EPHX4: variants seen among roughly 807,000 people sequenced by gnomAD.
The protein encoded by EPHX4 is epoxide hydrolase 4, also known as abhydrolase domain containing 7.
EPHX4 carries 31 observed loss-of-function variants against 44.9 expected under a neutral mutation model. That is an observed-to-expected ratio of 0.69 (90% CI 0.52 to 0.93). The LOEUF is 0.93. Among genes scored for constraint, EPHX4 ranks in the 40% least tolerant of loss-of-function variants. EPHX4 has a pLI of 0.00. For missense variants in EPHX4, 373 were observed against 438.1 expected, an observed-to-expected ratio of 0.85 and a Z score of 1.33; for synonymous variants, 151 against 159.7, an observed-to-expected ratio of 0.95 and a Z score of 0.41.
intron 6 of EPHX4, among the ~76,000 whole-genome samples, chr1:92,054,818 C>T (rs1647328586): frequency 6.6e-6 from 1 of 151,840 alleles, no homozygotes; most frequent in African/African-American, 2.4e-5. Flanking sequence ...TCATTGAAAT[C>T]TAGAAGTCTA....
In EPHX4 at chr1:92,030,122, CTCCGG is replaced by C. The variant is rs763948922; in HGVS notation, c.47_51del (p.Arg16ProfsTer100). Reference sequence around the variant, plus strand: ...TTGCCTGCCCCGCCTGATGCTCACGCTCCGGTCCCTGCTCTTCTGGTCCCTGGTCT... The same window carrying C: ...TTGCCTGCCCCGCCTGATGCTCACGCTCCCTGCTCTTCTGGTCCCTGGTCT... On this transcript the variant is annotated frameshift_variant, in exon 1 of 7. Transcript: ENST00000370383. LOFTEE classifies it high-confidence loss of function. The C allele has an allele frequency of 6.2e-7, 1 of 1,611,000 alleles. No individual in the cohort carries two copies. The highest frequency in any genetic ancestry group is 8.5e-7 in the Non-Finnish European group (1 of 1,178,850).
At chr1:92,057,322 TAAAC>T (rs1298753716) in intron 6 of EPHX4, among the ~76,000 whole-genome samples, 2 of 151,958 alleles carry the variant, frequency 1.3e-5, no homozygotes, top group African/African-American at 4.8e-5. Flanking sequence ...AAGGCACAAA[TAAAC>T]AAAGTTAGGA....
chr1:92,047,697 G>A (rs1300861503), intron 4 of EPHX4, among the ~76,000 whole-genome samples: 1 of 152,172 alleles, frequency 6.6e-6, no homozygotes, highest in Non-Finnish European at 1.5e-5. Context: ...TACTAGTATT[G>A]TTCAGTGCCA....
chr1:92,056,086 T>C (rs1647359860), intron 6 of EPHX4, among the ~76,000 whole-genome samples: 1 of 152,086 alleles, frequency 6.6e-6, no homozygotes, highest in South Asian at 2.1e-4. Flanking sequence ...AGTTTTAAAC[T>C]AGTTGGTTGT....
chr1:92,037,588 C>T (rs1219734601), intron 2 of EPHX4, among the ~76,000 whole-genome samples: 1 of 152,122 alleles, frequency 6.6e-6, no homozygotes, highest in African/African-American at 2.4e-5. Context: ...GGAATGCATG[C>T]GTCATCACTC....
At position 92,063,423 on chromosome 1, in the gene EPHX4, G is replaced by A; in HGVS notation, c.*137G>A. 1.6e-6 allele frequency: 1 copy of A among 610,802 alleles called. No homozygotes were observed. 37.8% of individuals were successfully genotyped at this position (610,802 alleles called of 1,614,324 possible). A position where few individuals can be genotyped will look rare whatever the true frequency, so the allele number is the denominator to read the frequency against. ...ATCATAAATAAATATCCTGACAAAT[G>A]GTATTGAAAAAAATCTGAGATCATG... is the stretch of plus-strand genomic sequence containing the variant. On this transcript the variant is annotated 3_prime_UTR_variant, in exon 7 of 7. Coordinates refer to ENST00000370383, the MANE Select transcript of EPHX4 (RefSeq NM_173567.5).
chr1:92,056,637 A>G (rs897174866), intron 6 of EPHX4, among the ~76,000 whole-genome samples: 2 of 150,166 alleles, frequency 1.3e-5, no homozygotes, highest in African/African-American at 2.4e-5. Flanking sequence ...AAAAATACAC[A>G]TTCTTTTCTT....
At chr1:92,058,162 C>A (rs1647413287) in intron 6 of EPHX4, among the ~76,000 whole-genome samples, 1 of 152,092 alleles carries the variant, frequency 6.6e-6, no homozygotes, top group South Asian at 2.1e-4. Flanking sequence ...ATTAATTAGG[C>A]TGGGCACAGT....
At chr1:92,049,504 G>A (rs1330039195) in intron 4 of EPHX4, among the ~76,000 whole-genome samples, 1 of 152,076 alleles carries the variant, frequency 6.6e-6, no homozygotes, top group African/African-American at 2.4e-5. Context: ...TTTCTGTCTT[G>A]TTCACTGCTA....
intron 4 of EPHX4, among the ~76,000 whole-genome samples, chr1:92,049,166 A>G (rs1647199807): frequency 6.6e-6 from 1 of 151,926 alleles, no homozygotes; most frequent in African/African-American, 2.4e-5. Flanking sequence ...ATCATATACC[A>G]TCTTCCTCTC....
At chr1:92,056,851 C>T (rs1647381389) in intron 6 of EPHX4, among the ~76,000 whole-genome samples, 2 of 151,534 alleles carry the variant, frequency 1.3e-5, no homozygotes, top group South Asian at 4.2e-4. Flanking sequence ...TTAACCAATA[C>T]CAAAAAATAT....
Sources: allele counts gnomAD v4.1 joint callset (sites outside exome capture counted in the v4.1 genomes callset), GRCh38; gene constraint gnomAD v4.1.1; transcripts MANE v1.5; gene names NCBI Gene and HGNC (gene_info 2026-07-23, HGNC 2026-07-21).